Variants in ZNF701 observed in about 807,000 individuals in gnomAD.
The protein encoded by ZNF701 is zinc finger protein 701.
In ZNF701, 6 loss-of-function variants were observed where a neutral mutation model predicts 7.1. The observed-to-expected ratio is 0.84, with a 90% CI of 0.46 to 1.66. ZNF701 has a LOEUF of 1.66. Ranked by LOEUF, ZNF701 falls within the 40% of genes most tolerant of loss-of-function variation. ZNF701 has a pLI of 0.01. For missense variants in ZNF701, 541 were observed against 559.2 expected (o/e 0.97, Z 0.33); for synonymous variants, 166 against 188.2 (o/e 0.88, Z 0.97).
chr19:52,586,355 A>G lies in ZNF701; in HGVS notation c.*2898A>G, dbSNP rs923434755. ...CCATGCCCGCCTTATTTCTTAATTTAAAAAAAAAAATGTATATGTAGACTG... is the reference window on the plus strand; with the variant it reads ...CCATGCCCGCCTTATTTCTTAATTTGAAAAAAAAAATGTATATGTAGACTG... On this transcript the variant is annotated 3_prime_UTR_variant, in exon 4 of 4. Coordinates refer to ENST00000391785, the MANE Select transcript of ZNF701 (RefSeq NM_018260.3). 17 of 124,892 alleles carry G rather than the reference A, an allele frequency of 1.4e-4. No individual in the cohort carries two copies. The highest frequency in any genetic ancestry group is 4.6e-4 in the African/African-American group (17 of 36,732). The allele number at this position is 124,892 out of a possible 1,614,324, so 7.7% of individuals were successfully genotyped here. A position where few individuals can be genotyped will look rare whatever the true frequency, so the allele number is the denominator to read the frequency against.
the ZNF701 span, chr19:52,596,784 C>G: frequency 1.9e-6 from 1 of 533,416 alleles, no homozygotes; most frequent in African/African-American, 1.9e-5. Context: ...AAACCTTACA[C>G]ATGTAATGAA....
At chr19:52,581,734 A>G (rs979448242) in intron 3 of ZNF701, among the ~76,000 whole-genome samples, 33 of 152,248 alleles carry the variant, frequency 2.2e-4, no homozygotes, top group African/African-American at 7.7e-4. Context: ...TTGACAATAC[A>G]GAAATTCCAT....
In ZNF701 at chr19:52,582,878, T is replaced by C. The variant is rs1438760804; in HGVS notation, c.819T>C (p.Asn273=). 1.2e-6 allele frequency: 2 copies of C among 1,613,048 alleles called. No homozygotes were observed. Among genetic ancestry groups the C allele is most frequent in the Admixed American group, 3.3e-5 (2 of 59,952 alleles). ...CHTGENPYTC[N]ECGKTFSHNS... Reference sequence around the variant, plus strand: ...CTGGTGAGAATCCTTACACGTGTAATGAGTGTGGCAAGACATTCAGTCACA... The same window carrying C: ...CTGGTGAGAATCCTTACACGTGTAACGAGTGTGGCAAGACATTCAGTCACA... Residue 273 remains asparagine (N), a synonymous_variant, in exon 4 of 4, where the codon AAT becomes AAC. Transcript: ENST00000391785.
intron 1 of ZNF701, among the ~76,000 whole-genome samples, chr19:52,571,285 G>C (rs1017967815): frequency 3.3e-5 from 5 of 151,892 alleles, no homozygotes; most frequent in African/African-American, 1.2e-4. Flanking sequence ...AGACAGAGCA[G>C]AGTGGTGCTG....
rs2060010662 is a variant in ZNF701, at chr19:52,586,190, CGCCACCACACCGCGCCA to C, written c.*2734_*2750del. 6.6e-6 allele frequency: 1 copy of C among 152,016 alleles called. No homozygotes were observed. Among genetic ancestry groups the C allele is most frequent in the Non-Finnish European group, 1.5e-5 (1 of 68,112 alleles). 9.4% of individuals were successfully genotyped at this position (152,016 alleles called of 1,614,324 possible). A position where few individuals can be genotyped will look rare whatever the true frequency, so the allele number is the denominator to read the frequency against. On this transcript the variant is annotated 3_prime_UTR_variant, in exon 4 of 4. Coordinates refer to ENST00000391785, the MANE Select transcript of ZNF701 (RefSeq NM_018260.3). Reference sequence around the variant, plus strand: ...CAGAGTAGCTGGGACCACAGCCGCGCGCCACCACACCGCGCCAATTTTTGTGTTCTTGGTAGAGACCG... The same window carrying C: ...CAGAGTAGCTGGGACCACAGCCGCGCATTTTTGTGTTCTTGGTAGAGACCG...
At chr19:52,574,284 A>G (rs2059919077) in intron 2 of ZNF701, 122 bp downstream of exon 2, 2 of 1,467,302 alleles carry the variant, frequency 1.4e-6, no homozygotes, top group African/African-American at 1.4e-5. Context: ...CACTCAACTC[A>G]TGCCTTCCCT....
At chr19:52,576,055 G>T (rs745394501) in intron 3 of ZNF701, 34 bp downstream of exon 3, 6 of 1,598,450 alleles carry the variant, frequency 3.8e-6, no homozygotes, top group Admixed American at 3.6e-5. Context: ...GTGGGGATGT[G>T]CCCTTGTGGA....
At chr19:52,597,016 A>G in the ZNF701 span, 2 of 1,217,434 alleles carry the variant, frequency 1.6e-6, no homozygotes, top group African/African-American at 3.0e-5. Context: ...AAATGTAATG[A>G]TTGTCACAAA....
chr19:52,583,277 A>G lies in ZNF701; in HGVS notation c.1218A>G (p.Gly406=). ...SLVMHKVIHT[G]EKRYKCNECG... ...TAATGCATAAGGTCATTCATACTGGAGAGAAACGTTACAAGTGTAATGAAT... is the reference window on the plus strand; with the variant it reads ...TAATGCATAAGGTCATTCATACTGGGGAGAAACGTTACAAGTGTAATGAAT... The change falls in exon 4 of 4, where the codon GGA becomes GGG. Residue 406 remains glycine (G), a synonymous_variant. Coordinates refer to ENST00000391785, the MANE Select transcript of ZNF701 (RefSeq NM_018260.3). The G allele has an allele frequency of 6.2e-7, 1 of 1,613,918 alleles. No homozygotes were observed. The highest frequency in any genetic ancestry group is 8.5e-7 in the Non-Finnish European group (1 of 1,179,870).
At chr19:52,577,343 A>G (rs1291476103) in intron 3 of ZNF701, among the ~76,000 whole-genome samples, 1 of 152,094 alleles carries the variant, frequency 6.6e-6, no homozygotes, top group African/African-American at 2.4e-5. Flanking sequence ...CAAGTGATCC[A>G]CCTGCCTTGG....
chr19:52,590,103 T>C (rs1367756505), downstream of ZNF701, among the ~76,000 whole-genome samples: 1 of 127,408 alleles, frequency 7.8e-6, no homozygotes, highest in African/African-American at 3.0e-5. Flanking sequence ...CTGTTTTTTT[T>C]ATTGTTTTTT....
Position 52,585,551 on chromosome 19 carries a change from A to T in ZNF701, c.*2094A>T, listed in dbSNP as rs1415324486. 1 of 126,312 alleles carries T rather than the reference A, an allele frequency of 7.9e-6. No homozygotes were observed. The highest frequency in any genetic ancestry group is 1.7e-5 in the Non-Finnish European group (1 of 60,416). The allele number at this position is 126,312 out of a possible 1,614,324, so 7.8% of individuals were successfully genotyped here. ...TAGATGGATATTAAACATAGAATTG[A>T]AGAAAAAAAAAAAAACCCCACAAAG... On this transcript the variant is annotated 3_prime_UTR_variant, in exon 4 of 4. Transcript: ENST00000391785.
downstream of ZNF701, chr19:52,588,725 C>T (rs1225286995): frequency 2.9e-5 from 6 of 209,336 alleles, no homozygotes; most frequent in South Asian, 1.6e-4. Context: ...CAAGTTTGCT[C>T]GCACTCACCC....
rs1176339485 is a variant in ZNF701 at position 52,586,957 on chromosome 19, C to G, written c.*3500C>G. On this transcript the variant is annotated 3_prime_UTR_variant, in exon 4 of 4. Transcript: ENST00000391785. ...GTCCCCTGCAGGCCTCGCCCCGGAG[C>G]TCTACAATCCTGTGTGCAGTTGTCT... The G allele has an allele frequency of 6.6e-6, 1 of 152,168 alleles. No individual in the cohort carries two copies. The highest frequency in any genetic ancestry group is 1.5e-5 in the Non-Finnish European group (1 of 68,052). The allele number at this position is 152,168 out of a possible 1,614,324, so 9.4% of individuals were successfully genotyped here. A position where few individuals can be genotyped will look rare whatever the true frequency, so the allele number is the denominator to read the frequency against.
chr19:52,595,126 C>T, the ZNF701 span, among the ~76,000 whole-genome samples: 12 of 152,026 alleles, frequency 7.9e-5, no homozygotes, highest in Non-Finnish European at 1.8e-4. Flanking sequence ...GAATTACAGC[C>T]GCCCACCACC....
At chr19:52,595,881 T>C in the ZNF701 span, 5 of 1,612,988 alleles carry the variant, frequency 3.1e-6, no homozygotes, top group Non-Finnish European at 4.2e-6. Flanking sequence ...AACAAGCCTA[T>C]TAAAGATCAG....
rs373364351 is a variant in ZNF701, at chr19:52,585,141, C to G, written c.*1684C>G. 7 of 152,420 alleles carry G rather than the reference C, an allele frequency of 4.6e-5. 1 individual carries two copies. The highest frequency in any genetic ancestry group is 1.7e-4 in the African/African-American group (7 of 41,586). 9.4% of individuals were successfully genotyped at this position (152,420 alleles called of 1,614,324 possible). A position where few individuals can be genotyped will look rare whatever the true frequency, so the allele number is the denominator to read the frequency against. ...AGTCGCCCTGAGGCTGGTCCCGTCC[C>G]GGTCTTTTCTGCAGTAGGGCCGTGC... On this transcript the variant is annotated 3_prime_UTR_variant, in exon 4 of 4. Transcript: ENST00000391785.
At position 52,583,945 on chromosome 19, in the gene ZNF701, A is replaced by T; in HGVS notation, c.*488A>T. On this transcript the variant is annotated 3_prime_UTR_variant, in exon 4 of 4. Coordinates refer to ENST00000391785, the MANE Select transcript of ZNF701 (RefSeq NM_018260.3). ...CAGTTCATTGGCGATCTTATACAGG[A>T]GAGAAATCTTACAAATGTGATGATT... The T allele has an allele frequency of 2.5e-6, 1 of 406,376 alleles. No individual in the cohort carries two copies. The highest frequency in any genetic ancestry group is 1.9e-5 in the South Asian group (1 of 51,336). The allele number at this position is 406,376 out of a possible 1,614,324, so 25.2% of individuals were successfully genotyped here.
rs141452945 is a variant in ZNF701, at chr19:52,581,082, C to T, written c.143-1120C>T. Among the ~76,000 whole-genome samples the T allele has an allele frequency of 1.4e-3, 214 of 152,098 alleles. 1 individual carries two copies. In the East Asian group the frequency reaches 0.022, roughly 16 times the overall value. On this transcript the variant is annotated intron_variant, in intron 3 of 3. Transcript: ENST00000391785. ...GAGGCTGCAGTGAGCCAAGATCATG[C>T]CATTGCACTCTGTCCAGTGACAGAG...
Sources: gnomAD v4.1 joint callset for allele counts (sites outside exome capture counted in the v4.1 genomes callset) on GRCh38, gnomAD v4.1.1 for gene constraint, MANE v1.5 for transcripts, NCBI Gene and HGNC (gene_info 2026-07-23, HGNC 2026-07-21) for gene names.